Variants in PLEKHG5 observed in about 807,000 individuals in gnomAD.
PLEKHG5 encodes pleckstrin homology domain-containing family G member 5.
A neutral mutation model predicts 103.8 loss-of-function variants in PLEKHG5; 52 were observed. That is an observed-to-expected ratio of 0.50 (90% CI 0.40 to 0.63). The LOEUF (loss-of-function observed/expected upper bound fraction) is 0.63. Among genes scored for constraint, PLEKHG5 ranks in the 30% least tolerant of loss-of-function variants. The probability of loss-of-function intolerance (pLI) is 0.00; values close to 1 mark genes in which losing one functional copy is unlikely to be tolerated. For missense variants in PLEKHG5, 1,205 were observed against 1,347.6 expected (o/e 0.89, Z 1.66); for synonymous variants, 592 against 575.5 (o/e 1.03, Z -0.41).
intron 7 of PLEKHG5, among the ~76,000 whole-genome samples, chr1:6,473,725 G>C (rs556028375): frequency 6.6e-6 from 1 of 152,142 alleles, no homozygotes; most frequent in Non-Finnish European, 1.5e-5. Flanking sequence ...ACAGCTCTGG[G>C]TGGTCTGTAG....
chr1:6,500,232 T>C (rs1210637181), upstream of PLEKHG5, among the ~76,000 whole-genome samples: 1 of 151,942 alleles, frequency 6.6e-6, no homozygotes, highest in Non-Finnish European at 1.5e-5. Flanking sequence ...GAGACTTGAG[T>C]CCACTGAGAG....
At chr1:6,474,735 G>A (rs1016486644) in intron 5 of PLEKHG5, 148 bp from the exon 6 acceptor site, 7 of 772,962 alleles carry the variant, frequency 9.1e-6, no homozygotes, top group African/African-American at 5.5e-5. Context: ...GGGATCACAC[G>A]CAGGTCCACA....
intron 1 of PLEKHG5, among the ~76,000 whole-genome samples, chr1:6,485,058 G>A (rs1424151348): frequency 2.0e-5 from 3 of 152,034 alleles, no homozygotes; most frequent in African/African-American, 7.2e-5. Context: ...CCACAGGTGT[G>A]TCCGGAGCTG....
intron 10 of PLEKHG5, 48 bp downstream of exon 10, chr1:6,472,479 A>C (rs1392754598): frequency 7.6e-7 from 1 of 1,312,840 alleles, no homozygotes. Flanking sequence ...GGGCTGTCAG[A>C]AAGAGGGGGG....
Position 6,486,804 on chromosome 1 carries a change from G to A in PLEKHG5, c.-88+4833C>T, listed in dbSNP as rs1425520849. Among the ~76,000 whole-genome samples the A allele has an allele frequency of 2.6e-5, 4 of 152,338 alleles. No individual in the cohort carries two copies. The East Asian group carries it at 7.7e-4, about 29-fold the overall frequency. On this transcript the variant is annotated intron_variant, in intron 1 of 20. Transcript: ENST00000377728. The surrounding 1 kb of genome is among the most constrained non-coding windows in gnomAD (Gnocchi z 5.3). The stretch of plus-strand genomic sequence containing the variant: ...CGTGGGGGATAAAGTGACATAAAGA[G>A]ACAAAAGTCTACAGGCAAGACTGAA...
chr1:6,500,979 C>T (rs4908899), upstream of PLEKHG5, among the ~76,000 whole-genome samples: 5,349 of 152,260 alleles, frequency 0.035, 144 homozygotes, highest in East Asian at 0.12. Flanking sequence ...GCGGGCAGAA[C>T]GGCCGGCAGA....
At chr1:6,476,166 C>A (rs761057329) in intron 2 of PLEKHG5, 130 bp from the exon 3 acceptor site, 3 of 764,320 alleles carry the variant, frequency 3.9e-6, no homozygotes, top group Non-Finnish European at 4.5e-6. Context: ...CCCTTCAGTT[C>A]TGTGAGGAGA....
intron 1 of PLEKHG5, among the ~76,000 whole-genome samples, chr1:6,504,259 A>G (rs1638237042): frequency 6.6e-6 from 1 of 151,534 alleles, no homozygotes; most frequent in Non-Finnish European, 1.5e-5. Flanking sequence ...TTGCCCCCCC[A>G]ACATCAGCTG....
At chr1:6,517,300 C>A (rs1638652368) in intron 1 of PLEKHG5, among the ~76,000 whole-genome samples, 1 of 141,634 alleles carries the variant, frequency 7.1e-6, no homozygotes. Flanking sequence ...GAGTGAGACT[C>A]CATCTCAAAA....
At chr1:6,508,385 G>A (rs1168461994) in intron 1 of PLEKHG5, among the ~76,000 whole-genome samples, 2 of 152,138 alleles carry the variant, frequency 1.3e-5, no homozygotes, top group Admixed American at 6.5e-5. Context: ...CCTGCTGCCC[G>A]GCTGTCCTCC....
Position 6,474,459 on chromosome 1 carries a change from C to G in PLEKHG5, c.431G>C (p.Arg144Pro). ...CCCAGGCTGCTTCTCACCTTTGACA[C>G]GAAGGTAGTGTCCCCCGAACCTGTA... ...EAYRFGGHYL[R>P]VKAPAKPGDE... Residue 144 changes from arginine to proline, a missense_variant, in exon 6 of 21, where the codon CGT (arginine) becomes CCT (proline). Coordinates refer to ENST00000377728, the MANE Select transcript of PLEKHG5 (RefSeq NM_020631.6). 1 of 1,613,864 alleles carries G rather than the reference C, an allele frequency of 6.2e-7. No individual in the cohort carries two copies. Among genetic ancestry groups the G allele is most frequent in the Non-Finnish European group, 8.5e-7 (1 of 1,180,006 alleles).
rs762776676 is a variant in PLEKHG5 at position 6,471,028 on chromosome 1, G to T, written c.1354C>A (p.Leu452Met). ...CGGAAGAGGTCGTTGTCGCGCAGCA[G>T]GCCGCGCATGTACTCCATGCAGCCC... ...EEGCMEYMRG[L>M]LRDNDLFRAY... Residue 452 changes from leucine to methionine, a missense_variant, in exon 13 of 21, where the codon CTG (leucine) becomes ATG (methionine). Coordinates refer to ENST00000377728, the MANE Select transcript of PLEKHG5 (RefSeq NM_020631.6). The T allele has an allele frequency of 1.2e-6, 2 of 1,606,616 alleles. No individual in the cohort carries two copies. Among genetic ancestry groups the T allele is most frequent in the Non-Finnish European group, 1.7e-6 (2 of 1,176,998 alleles).
Position 6,487,161 on chromosome 1 carries a change from G to A in PLEKHG5, c.-88+4476C>T, listed in dbSNP as rs562212129. On this transcript the variant is annotated intron_variant, in intron 1 of 20. Transcript: ENST00000377728. This position sits in a 1 kb window ranked among gnomAD's most constrained non-coding sequence, Gnocchi z 4.1. ...GACGGAATCTTGCTCTGTCACTCAC[G>A]TTGGAGTGCAGTGGCATGATCCCAG... Among the ~76,000 whole-genome samples, 4 of 152,300 alleles carry A rather than the reference G, an allele frequency of 2.6e-5. No individual in the cohort carries two copies. The highest frequency in any genetic ancestry group is 2.1e-4 in the South Asian group (1 of 4,826).
At chr1:6,519,576 C>T in exon 1 of PLEKHG5, 1 of 1,209,334 alleles carries the variant, frequency 8.3e-7, no homozygotes, top group Non-Finnish European at 1.2e-6. Context: ...CCACAGGCCT[C>T]TCTAATCAGA....
Position 6,469,434 on chromosome 1 carries a change from G to A in PLEKHG5, c.1950C>T (p.Ile650=), listed in dbSNP as rs1644501075. The A allele has an allele frequency of 2.5e-6, 4 of 1,614,022 alleles. No homozygotes were observed. In the East Asian group the frequency reaches 8.9e-5, roughly 36 times the overall value. The change falls in exon 18 of 21, where the codon ATC becomes ATT. Residue 650 remains isoleucine, a synonymous_variant. Transcript: ENST00000377728. The part of the protein sequence containing the change: ...ELRDPGSFLL[I]YLNEFHSAVG... ...CAGCACTGTGAAACTCATTCAGGTA[G>A]ATAAGGAGGAAGGACCCTGGTTAGG...
rs572477005 is a variant in PLEKHG5 at position 6,501,733 on chromosome 1, C to G, written c.-164-5164G>C. On this transcript the variant is annotated intron_variant, in intron 1 of 21. Transcript: ENST00000377740. This position sits in a 1 kb window ranked among gnomAD's most constrained non-coding sequence, Gnocchi z 4.3. ...AAGCCTCCAAGCCTGTGCTCCTAAC[C>G]GCCAGGCTACAGTGCTCCCATGGGG... is the stretch of plus-strand genomic sequence containing the variant. Among the ~76,000 whole-genome samples, 1 of 152,144 alleles carries G rather than the reference C, an allele frequency of 6.6e-6. No individual in the cohort carries two copies. The highest frequency in any genetic ancestry group is 2.1e-4 in the South Asian group (1 of 4,830).
At chr1:6,509,087 C>T (rs543421688) in intron 1 of PLEKHG5, among the ~76,000 whole-genome samples, 1 of 152,354 alleles carries the variant, frequency 6.6e-6, no homozygotes, top group East Asian at 1.9e-4. Flanking sequence ...CAGCCCCAGA[C>T]CTATCTCGGG....
upstream of PLEKHG5, among the ~76,000 whole-genome samples, chr1:6,500,591 C>A (rs976006122): frequency 1.3e-5 from 2 of 148,672 alleles, no homozygotes; most frequent in Non-Finnish European, 3.0e-5. Flanking sequence ...TGAACTCCCC[C>A]CTCCCCTAAG....
chr1:6,518,576 GAAAAAGA>G (rs1431644463), intron 1 of PLEKHG5, among the ~76,000 whole-genome samples: 1 of 147,304 alleles, frequency 6.8e-6, no homozygotes, highest in East Asian at 2.0e-4. Flanking sequence ...AAAAAAAAAA[GAAAAAGA>G]AAAAAGAAAA....
Sources: gnomAD v4.1 joint callset for allele counts (sites outside exome capture counted in the v4.1 genomes callset) on GRCh38, gnomAD v4.1.1 for gene constraint, Gnocchi (gnomAD v3.1) non-coding constraint, MANE v1.5 for transcripts, NCBI Gene and HGNC (gene_info 2026-07-23, HGNC 2026-07-21) for gene names.